Variants in SLC44A1 observed in about 807,000 individuals in gnomAD.
The protein encoded by SLC44A1 is choline transporter-like protein 1.
A neutral mutation model predicts 79.3 loss-of-function variants in SLC44A1; 26 were observed. The observed-to-expected ratio is 0.33, with a 90% CI of 0.24 to 0.46. SLC44A1 has a LOEUF of 0.46. SLC44A1 is among the 20% of genes least tolerant of loss of function. SLC44A1 has a pLI of 1.00. For synonymous variants in SLC44A1, 263 were observed against 286.2 expected, an observed-to-expected ratio of 0.92 and a Z score of 0.82; for missense variants, 688 against 798.1, an observed-to-expected ratio of 0.86 and a Z score of 1.66.
chr9:105,397,407 T>C (rs1828896980), downstream of SLC44A1: 10 of 966,126 alleles, frequency 1.0e-5, no homozygotes, highest in South Asian at 3.8e-4. Flanking sequence ...GATAAAATCA[T>C]GGGCAACATC....
At chr9:105,245,878 A>C (rs327960) in intron 1 of SLC44A1, among the ~76,000 whole-genome samples, 20,272 of 152,190 alleles carry the variant, frequency 0.13, 1,825 homozygotes, top group African/African-American at 0.25. Flanking sequence ...ACTACTGGCC[A>C]CTAATAACTG....
At chr9:105,341,335 C>CAAA (rs529318721) in intron 4 of SLC44A1, among the ~76,000 whole-genome samples, 1 of 65,228 alleles carries the variant, frequency 1.5e-5, no homozygotes, top group African/African-American at 4.5e-5. Flanking sequence ...AACTTCGTCT[C>CAAA]AAAAAAAAAA....
At chr9:105,404,852 T>A (rs1829008411) in intron 15 of SLC44A1, among the ~76,000 whole-genome samples, 1 of 152,248 alleles carries the variant, frequency 6.6e-6, no homozygotes, top group Non-Finnish European at 1.5e-5. Context: ...AGGATCTTCC[T>A]TTGTAAAATG....
At chr9:105,256,073 G>A (rs1829697956) in intron 1 of SLC44A1, among the ~76,000 whole-genome samples, 1 of 151,982 alleles carries the variant, frequency 6.6e-6, no homozygotes, top group South Asian at 2.1e-4. Flanking sequence ...GAGTGCAGTA[G>A]TGGATCTCGG....
Position 105,389,798 on chromosome 9 carries a change from CT to C in SLC44A1, c.*747del, listed in dbSNP as rs1331599640. On this transcript the variant is annotated 3_prime_UTR_variant, in exon 16 of 16. Transcript: ENST00000374720. ...TTCCCTTATATTTTGTCTTTCTTTC[CT>C]TTTTGACTTTAGTAGCATCCTCCAC... 2.3e-6 allele frequency: 3 copies of C among 1,332,650 alleles called. No individual in the cohort carries two copies. The highest frequency in any genetic ancestry group is 4.6e-5 in the South Asian group (2 of 43,138). The allele number at this position is 1,332,650 out of a possible 1,614,324, so 82.6% of individuals were successfully genotyped here. A position where few individuals can be genotyped will look rare whatever the true frequency, so the allele number is the denominator to read the frequency against.
At chr9:105,400,642 C>A (rs1352850359), downstream of SLC44A1, among the ~76,000 whole-genome samples, 2 of 152,062 alleles carry the variant, frequency 1.3e-5, no homozygotes, top group African/African-American at 4.8e-5. Context: ...ATGTAACCTC[C>A]CGAAAGTGCA....
intron 3 of SLC44A1, among the ~76,000 whole-genome samples, chr9:105,326,832 C>T (rs891259584): frequency 6.6e-6 from 1 of 152,176 alleles, no homozygotes; most frequent in Non-Finnish European, 1.5e-5. Flanking sequence ...TGTCGCCTGT[C>T]CAGATTTCTC....
chr9:105,429,494 G>A (rs992662082), intron 15 of SLC44A1, among the ~76,000 whole-genome samples: 1 of 152,128 alleles, frequency 6.6e-6, no homozygotes, highest in African/African-American at 2.4e-5. Context: ...GTAGAGACAA[G>A]GTTTTGCCAT....
chr9:105,297,185 G>C (rs73510291), intron 1 of SLC44A1, among the ~76,000 whole-genome samples: 1 of 151,942 alleles, frequency 6.6e-6, no homozygotes, highest in African/African-American at 2.4e-5. Context: ...TTTTTGTTTT[G>C]TTCTGTTCAT....
chr9:105,325,443 A>T (rs1826542928), intron 3 of SLC44A1, among the ~76,000 whole-genome samples: 1 of 152,212 alleles, frequency 6.6e-6, no homozygotes, highest in African/African-American at 2.4e-5. Context: ...TGTATTTCTT[A>T]TAATTATGGA....
At chr9:105,275,114 T>C (rs1286533496) in intron 1 of SLC44A1, among the ~76,000 whole-genome samples, 1 of 152,226 alleles carries the variant, frequency 6.6e-6, no homozygotes, top group Non-Finnish European at 1.5e-5. Context: ...AATTTTTTTC[T>C]TCAGAAGTAC....
In SLC44A1 at chr9:105,367,354, T is replaced by C. The variant is rs557248458; in HGVS notation, c.1494+925T>C. On this transcript the variant is annotated intron_variant, in intron 12 of 15. Transcript: ENST00000374720. ...CTGGACTTTGCTTTATTGGGTTCTA[T>C]GGTTAATATGAGAAAGTAGGTATGA... Among the ~76,000 whole-genome samples the C allele has an allele frequency of 1.4e-3, 212 of 152,202 alleles. 1 individual carries two copies. The highest frequency in any genetic ancestry group is 1.6e-3 in the Non-Finnish European group (109 of 68,040).
intron 15 of SLC44A1, among the ~76,000 whole-genome samples, chr9:105,430,282 A>G (rs1829375986): frequency 6.6e-6 from 1 of 152,212 alleles, no homozygotes; most frequent in African/African-American, 2.4e-5. Flanking sequence ...AAATTAAGAT[A>G]TCATTAACAT....
chr9:105,365,386 ATT>A, intron 10 of SLC44A1, 95 bp from the exon 11 acceptor site: 8 of 830,422 alleles, frequency 9.6e-6, no homozygotes, highest in African/African-American at 1.7e-5. Context: ...TGATGAGCTG[ATT>A]TTTTTTTTCA....
intron 3 of SLC44A1, among the ~76,000 whole-genome samples, chr9:105,329,812 C>T (rs188554049): frequency 2.8e-4 from 42 of 152,184 alleles, no homozygotes; most frequent in African/African-American, 8.4e-4. Context: ...CTAGAGTGCT[C>T]CCTTCCCCAT....
At chr9:105,295,013 T>C (rs1414954526) in intron 1 of SLC44A1, among the ~76,000 whole-genome samples, 1 of 151,964 alleles carries the variant, frequency 6.6e-6, no homozygotes, top group Non-Finnish European at 1.5e-5. Flanking sequence ...TTCTTCATCT[T>C]TGTTACCATG....
downstream of SLC44A1, among the ~76,000 whole-genome samples, chr9:105,399,515 A>T (rs1564052213): frequency 3.0e-5 from 1 of 33,486 alleles, no homozygotes. Context: ...TTGTGTAATA[A>T]GCAAATTGAA....
At chr9:105,427,009 C>T (rs1441871098) in intron 15 of SLC44A1, among the ~76,000 whole-genome samples, 1 of 151,738 alleles carries the variant, frequency 6.6e-6, no homozygotes, top group East Asian at 1.9e-4. Context: ...GATCATGGCT[C>T]CCTCCAACCT....
chr9:105,424,948 CA>C (rs200345209), intron 15 of SLC44A1, among the ~76,000 whole-genome samples: 214 of 96,058 alleles, frequency 2.2e-3, no homozygotes, highest in Non-Finnish European at 2.0e-3. Context: ...GACTCCATCT[CA>C]AAAAAAAAAA....
Sources: gnomAD v4.1 joint callset for allele counts (sites outside exome capture counted in the v4.1 genomes callset) on GRCh38, gnomAD v4.1.1 for gene constraint, MANE v1.5 for transcripts, NCBI Gene and HGNC (gene_info 2026-07-23, HGNC 2026-07-21) for gene names.